The following PDZD2 variants were observed in gnomAD, a reference collection of about 807,000 sequenced individuals.
PDZD2 encodes PDZ domain-containing protein 2.
PDZD2 carries 90 observed loss-of-function variants against 220.7 expected under a neutral mutation model. The ratio of observed to expected loss-of-function variants is 0.41; its 90% CI spans 0.34 to 0.49. The LOEUF is 0.49. Among genes scored for constraint, PDZD2 ranks in the 20% least tolerant of loss-of-function variants. PDZD2 has a pLI of 0.28. For missense variants in PDZD2, 3,174 were observed against 3,608.5 expected, an observed-to-expected ratio of 0.88 and a Z score of 3.08; for synonymous variants, 1,375 against 1,450.5, an observed-to-expected ratio of 0.95 and a Z score of 1.18.
chr5:31,905,692 C>T (rs535816196), intron 2 of PDZD2, among the ~76,000 whole-genome samples: 1 of 152,306 alleles, frequency 6.6e-6, no homozygotes, highest in African/African-American at 2.4e-5. Flanking sequence ...TGGATTTATT[C>T]AGGTATTGGG....
chr5:31,763,452 CACCTACCGCAAGG>C (rs1399772831), intron 1 of PDZD2, among the ~76,000 whole-genome samples: 4 of 152,150 alleles, frequency 2.6e-5, no homozygotes, highest in Non-Finnish European at 5.9e-5. Context: ...ACAAAATAAC[CACCTACCGCAAGG>C]ACAGAATGAT....
intron 1 of PDZD2, among the ~76,000 whole-genome samples, chr5:31,774,213 G>A (rs1168622229): frequency 2.6e-5 from 4 of 152,032 alleles, no homozygotes; most frequent in African/African-American, 7.2e-5. Flanking sequence ...CTTGACCTGT[G>A]GGTAGGTGGG....
intron 1 of PDZD2, among the ~76,000 whole-genome samples, chr5:31,723,445 C>G (rs533264522): frequency 2.6e-5 from 4 of 151,944 alleles, no homozygotes; most frequent in Non-Finnish European, 5.9e-5. Flanking sequence ...AAAGGTATTA[C>G]TTGTTTATTT....
intron 1 of PDZD2, among the ~76,000 whole-genome samples, chr5:31,699,854 C>G (rs902904011): frequency 1.1e-4 from 16 of 149,798 alleles, no homozygotes; most frequent in Admixed American, 1.0e-3. Flanking sequence ...TGGTCTCAAA[C>G]TCCTGGTATT....
intron 1 of PDZD2, among the ~76,000 whole-genome samples, chr5:31,655,415 G>T (rs1388316745): frequency 6.6e-6 from 1 of 152,138 alleles, no homozygotes; most frequent in African/African-American, 2.4e-5. Context: ...CTCATGATCT[G>T]CCCTCCTGGC....
intron 1 of PDZD2, among the ~76,000 whole-genome samples, chr5:31,652,147 TTTTGTTTG>T (rs61335359): frequency 4.8e-5 from 7 of 147,280 alleles, no homozygotes; most frequent in South Asian, 2.2e-4. Context: ...TTTTTTTGTT[TTTTGTTTG>T]TTTGTTTGTT....
At chr5:32,103,713 C>T (rs779617883) in intron 24 of PDZD2, 5 of 152,270 alleles carry the variant, frequency 3.3e-5, no homozygotes, top group Admixed American at 6.5e-5. Flanking sequence ...CACGTAGCCT[C>T]TGCAGTCCAA....
chr5:31,725,095 C>T (rs567810550), intron 1 of PDZD2, among the ~76,000 whole-genome samples: 2 of 152,128 alleles, frequency 1.3e-5, no homozygotes, highest in South Asian at 4.2e-4. Context: ...TTCTGGGGGG[C>T]TAAGGCGGAT....
At chr5:32,045,042 C>T (rs948200065) in intron 7 of PDZD2, among the ~76,000 whole-genome samples, 1 of 152,256 alleles carries the variant, frequency 6.6e-6, no homozygotes, top group South Asian at 2.1e-4. Context: ...CTGGTATCCA[C>T]ATATCAGCAT....
intron 6 of PDZD2, among the ~76,000 whole-genome samples, chr5:32,034,354 ATTTTTT>A (rs753294040): frequency 7.6e-6 from 1 of 131,642 alleles, no homozygotes; most frequent in Admixed American, 7.8e-5. Context: ...GGAACCAGGA[ATTTTTT>A]TTTTTTTTTT....
intron 7 of PDZD2, among the ~76,000 whole-genome samples, chr5:32,048,139 T>C (rs1738156499): frequency 6.6e-6 from 1 of 152,184 alleles, no homozygotes; most frequent in Admixed American, 6.5e-5. Flanking sequence ...GTCGTGCCTA[T>C]ACTTGGAAAA....
chr5:31,842,417 GTTC>G lies in PDZD2; in HGVS notation c.476+42698_476+42700del, dbSNP rs368155343. On this transcript the variant is annotated intron_variant, in intron 2 of 24. Transcript: ENST00000438447. ...CCAGGCCTCCTGGCTCCACGGCTCT[GTTC>G]TTCTCACCCGGCCGCTCATTCTGAC... Among the ~76,000 whole-genome samples, 467 of 152,306 alleles carry G rather than the reference GTTC, an allele frequency of 3.1e-3. 2 individuals are homozygous for G. Among genetic ancestry groups the G allele is most frequent in the African/African-American group, 0.01 (427 of 41,564 alleles).
chr5:31,839,817 A>G (rs1580862741), intron 2 of PDZD2, among the ~76,000 whole-genome samples: 3 of 152,168 alleles, frequency 2.0e-5, no homozygotes, highest in African/African-American at 7.2e-5. Flanking sequence ...TTCTCATGAC[A>G]GTGAGTTCTC....
At chr5:31,702,365 G>A (rs935471178) in intron 1 of PDZD2, among the ~76,000 whole-genome samples, 1 of 152,216 alleles carries the variant, frequency 6.6e-6, no homozygotes, top group Admixed American at 6.5e-5. Context: ...TTAAAGCTGG[G>A]TTTGACATAG....
Position 32,003,747 on chromosome 5 carries a change from T to C in PDZD2, c.1254+3476T>C, listed in dbSNP as rs146198119. Among the ~76,000 whole-genome samples the C allele has an allele frequency of 1.8e-3, 276 of 152,316 alleles. 3 individuals are homozygous for C. In the East Asian group the frequency reaches 0.019, roughly 11 times the overall value. ...GTTTTTTGAGACGGAGTCTCACTCCTGTCACCCAGGCTGGAGTGCAATGAT... is the reference window on the plus strand; with the variant it reads ...GTTTTTTGAGACGGAGTCTCACTCCCGTCACCCAGGCTGGAGTGCAATGAT... On this transcript the variant is annotated intron_variant, in intron 5 of 24. Coordinates refer to ENST00000438447, the MANE Select transcript of PDZD2 (RefSeq NM_178140.4).
At position 32,061,051 on chromosome 5, in the gene PDZD2, G is replaced by C. The variant is rs772037469; in HGVS notation, c.2368G>C (p.Ala790Pro). 4.3e-6 allele frequency: 7 copies of C among 1,614,042 alleles called. No individual in the cohort carries two copies. Among genetic ancestry groups the C allele is most frequent in the Non-Finnish European group, 5.9e-6 (7 of 1,180,004 alleles). Residue 790 changes from alanine (A) to proline (P), a missense_variant, in exon 14 of 25, where the codon GCT becomes CCT. By Grantham distance (27) the Ala-to-Pro change is conservative. This residue lies in a region of PDZD2 where 1,861 missense variants were observed against 2,001.0 expected (regional missense o/e 0.93). Transcript: ENST00000438447. ...GAACTCCGTCAACGTCCGCCATGCT[G>C]CTTTAAGCAAAGTCCACGCCATCTT... ...EVNSVNVRHAALSKVHAILSK... is the reference protein window; with the variant it reads ...EVNSVNVRHAPLSKVHAILSK...
chr5:32,088,889 T>G lies in PDZD2; in HGVS notation c.5441T>G (p.Leu1814Trp). 6.2e-7 allele frequency: 1 copy of G among 1,613,966 alleles called. No individual in the cohort carries two copies. Among genetic ancestry groups the G allele is most frequent in the Admixed American group, 1.7e-5 (1 of 60,004 alleles). Reference sequence around the variant, plus strand: ...AATAAACATAACCAAGGCACACATTTGAGGAGCAAAACCGAGAAGGAACAA... The same window carrying G: ...AATAAACATAACCAAGGCACACATTGGAGGAGCAAAACCGAGAAGGAACAA... Reference protein sequence around the residue: ...EINKHNQGTHLRSKTEKEQPL... With the variant: ...EINKHNQGTHWRSKTEKEQPL... The change falls in exon 20 of 25, where the codon TTG (leucine) becomes TGG (tryptophan). Residue 1814 changes from leucine to tryptophan, a missense_variant. Transcript: ENST00000438447. The surrounding 1 kb of genome is among the most constrained non-coding windows in gnomAD (Gnocchi z 4.6).
At chr5:31,768,651 A>G (rs1752166718) in intron 1 of PDZD2, among the ~76,000 whole-genome samples, 1 of 152,016 alleles carries the variant, frequency 6.6e-6, no homozygotes, top group Non-Finnish European at 1.5e-5. Flanking sequence ...AAAAAAAAAA[A>G]AAAAAAACTG....
In PDZD2 at chr5:31,846,140, G is replaced by T. The variant is rs1757573808; in HGVS notation, c.476+46416G>T. Among the ~76,000 whole-genome samples, 3 of 152,016 alleles carry T rather than the reference G, an allele frequency of 2.0e-5. No individual in the cohort carries two copies. The South Asian group carries it at 6.2e-4, about 32-fold the overall frequency. On this transcript the variant is annotated intron_variant, in intron 2 of 24. Transcript: ENST00000438447. The stretch of plus-strand genomic sequence containing the variant: ...AGCATTTTGTTTGTTTGGTTGGTTG[G>T]TTTTTTTCTTTGAGACGGAGTCTCA...
Sources: allele counts gnomAD v4.1 joint callset (sites outside exome capture counted in the v4.1 genomes callset), GRCh38; gene constraint gnomAD v4.1.1; regional missense constraint gnomAD v4.1.1; non-coding constraint Gnocchi (gnomAD v3.1); transcripts MANE v1.5; gene names NCBI Gene and HGNC (gene_info 2026-07-23, HGNC 2026-07-21).